The following MACROD2 variants were observed in gnomAD, a reference collection of about 807,000 sequenced individuals.
MACROD2 encodes mono-ADP ribosylhydrolase 2.
MACROD2 carries 36 observed loss-of-function variants against 70.4 expected under a neutral mutation model. That is an observed-to-expected ratio of 0.51 (90% CI 0.39 to 0.68). The LOEUF (loss-of-function observed/expected upper bound fraction) is 0.68. MACROD2 is among the 30% of genes least tolerant of loss of function. MACROD2 has a pLI of 0.00. For synonymous variants in MACROD2, 172 were observed against 178.8 expected, an observed-to-expected ratio of 0.96 and a Z score of 0.30; for missense variants, 496 against 538.4, an observed-to-expected ratio of 0.92 and a Z score of 0.78.
chr20:14,779,640 T>C lies in MACROD2; in HGVS notation c.418+94681T>C, dbSNP rs150792385. Among the ~76,000 whole-genome samples the C allele has an allele frequency of 7.2e-5, 11 of 152,244 alleles. 1 individual carries two copies. Among genetic ancestry groups the C allele is most frequent in the African/African-American group, 2.7e-4 (11 of 41,506 alleles). The stretch of plus-strand genomic sequence containing the variant: ...GTTATAGGTTTATATTGTTAAGCAG[T>C]ATGGTAAAAATAAAATTCTATTTAC... On this transcript the variant is annotated intron_variant, in intron 5 of 17. Transcript: ENST00000684519.
rs1011624279 is a variant in MACROD2, at chr20:16,044,616, G to T, written c.1277G>T (p.Ser426Ile). ...GACAAGGTAAATGACCCAACAGAGAGTCAACAAGAAGATCAACTAATAGGT... is the reference window on the plus strand; with the variant it reads ...GACAAGGTAAATGACCCAACAGAGATTCAACAAGAAGATCAACTAATAGGT... Reference protein sequence around the residue: ...QVDKVNDPTESQQEDQLIAGA... With the variant: ...QVDKVNDPTEIQQEDQLIAGA... Residue 426 changes from serine to isoleucine, a missense_variant, in exon 17 of 18, where the codon AGT (serine) becomes ATT (isoleucine). Ser to Ile is a moderately radical substitution (Grantham distance 142). Transcript: ENST00000684519. 9 of 1,612,398 alleles carry T rather than the reference G, an allele frequency of 5.6e-6. No homozygotes were observed. Among genetic ancestry groups the T allele is most frequent in the Non-Finnish European group, 7.6e-6 (9 of 1,179,274 alleles).
At chr20:15,812,477 G>A (rs763661) in intron 8 of MACROD2, among the ~76,000 whole-genome samples, 30,328 of 151,924 alleles carry the variant, frequency 0.2, 3,641 homozygotes, top group African/African-American at 0.33. Context: ...AAGAAGGCCC[G>A]GAAGGGAGCT....
At chr20:14,562,651 T>C (rs1362642361) in intron 4 of MACROD2, among the ~76,000 whole-genome samples, 1 of 151,848 alleles carries the variant, frequency 6.6e-6, no homozygotes, top group Non-Finnish European at 1.5e-5. Context: ...TGAATGTCCT[T>C]CTTATGGAAA....
chr20:14,459,536 C>T (rs1395453507), intron 3 of MACROD2, among the ~76,000 whole-genome samples: 1 of 151,870 alleles, frequency 6.6e-6, no homozygotes, highest in Admixed American at 6.6e-5. Flanking sequence ...AGGTAGGTAT[C>T]TACCTATGGA....
chr20:16,002,819 C>T (rs556897990), intron 15 of MACROD2, among the ~76,000 whole-genome samples: 1 of 152,150 alleles, frequency 6.6e-6, no homozygotes, highest in Non-Finnish European at 1.5e-5. Flanking sequence ...ATTACCTCTA[C>T]CGCTACTCTA....
intron 4 of MACROD2, among the ~76,000 whole-genome samples, chr20:14,664,082 T>G (rs2070710220): frequency 6.6e-6 from 1 of 152,116 alleles, no homozygotes; most frequent in African/African-American, 2.4e-5. Context: ...ACAACATATT[T>G]TTAATTTTGA....
At chr20:14,170,385 A>G (rs1459217603) in intron 3 of MACROD2, among the ~76,000 whole-genome samples, 1 of 152,130 alleles carries the variant, frequency 6.6e-6, no homozygotes, top group Non-Finnish European at 1.5e-5. Context: ...TACTATGTTG[A>G]ATATAGGTGA....
At chr20:14,456,657 A>G (rs955366356) in intron 3 of MACROD2, among the ~76,000 whole-genome samples, 5 of 150,344 alleles carry the variant, frequency 3.3e-5, no homozygotes, top group African/African-American at 4.9e-5. Flanking sequence ...AAAATATACT[A>G]TGCAATTCTA....
intron 5 of MACROD2, among the ~76,000 whole-genome samples, chr20:15,191,143 G>A (rs2076567931): frequency 6.6e-6 from 1 of 152,180 alleles, no homozygotes; most frequent in African/African-American, 2.4e-5. Context: ...AGACAGTGAA[G>A]CCTGGGGCTC....
chr20:15,960,677 A>G (rs2066047241), intron 12 of MACROD2, among the ~76,000 whole-genome samples: 1 of 152,170 alleles, frequency 6.6e-6, no homozygotes, highest in South Asian at 2.1e-4. Context: ...GAGTGCATTC[A>G]GAAACATCTC....
At chr20:14,058,882 T>G (rs2053661430) in intron 2 of MACROD2, among the ~76,000 whole-genome samples, 1 of 152,110 alleles carries the variant, frequency 6.6e-6, no homozygotes, top group Non-Finnish European at 1.5e-5. Context: ...GACCTCATGA[T>G]CCGCCCATCT....
chr20:15,527,935 G>A (rs2146540875), intron 8 of MACROD2, among the ~76,000 whole-genome samples: 1 of 152,130 alleles, frequency 6.6e-6, no homozygotes, highest in Admixed American at 6.5e-5. Context: ...CTTGTTTGTT[G>A]CCTAACAAGT....
At chr20:14,991,607 A>G (rs564918901) in intron 5 of MACROD2, among the ~76,000 whole-genome samples, 4 of 152,282 alleles carry the variant, frequency 2.6e-5, no homozygotes, top group Non-Finnish European at 5.9e-5. Context: ...CCAGCCTTCA[A>G]TTTGATTTAT....
chr20:15,938,654 AT>A (rs2065703789), intron 12 of MACROD2, among the ~76,000 whole-genome samples: 1 of 152,140 alleles, frequency 6.6e-6, no homozygotes, highest in African/African-American at 2.4e-5. Flanking sequence ...AGGCCAATTA[AT>A]AGACCTACAA....
At chr20:14,812,375 A>G (rs1022753661) in intron 5 of MACROD2, among the ~76,000 whole-genome samples, 3 of 152,016 alleles carry the variant, frequency 2.0e-5, no homozygotes, top group African/African-American at 4.8e-5. Flanking sequence ...AACAATGGTA[A>G]CATATGGGCA....
intron 4 of MACROD2, among the ~76,000 whole-genome samples, chr20:14,508,076 A>G (rs1157769880): frequency 6.6e-6 from 1 of 152,206 alleles, no homozygotes; most frequent in Non-Finnish European, 1.5e-5. Context: ...CACATGTGCC[A>G]GGAAATCTAC....
rs73612377 is a variant in MACROD2, at chr20:14,779,748, G to A, written c.418+94789G>A. Reference sequence around the variant, plus strand: ...TAACTTACTAATCTTTATATTCTCCGTATTCTTAATATCCTTCTTATCTAC... The same window carrying A: ...TAACTTACTAATCTTTATATTCTCCATATTCTTAATATCCTTCTTATCTAC... On this transcript the variant is annotated intron_variant, in intron 5 of 17. Coordinates refer to ENST00000684519, the MANE Select transcript of MACROD2 (RefSeq NM_001351661.2). 3.2e-4 allele frequency among the ~76,000 whole-genome samples: 49 copies of A among 152,028 alleles called. No individual in the cohort carries two copies. In the East Asian group the frequency reaches 5.0e-3, roughly 16 times the overall value.
intron 5 of MACROD2, among the ~76,000 whole-genome samples, chr20:15,210,019 A>G (rs922413842): frequency 6.6e-6 from 1 of 152,164 alleles, no homozygotes; most frequent in Admixed American, 6.5e-5. Flanking sequence ...TAACATAACC[A>G]CATCTGAGGG....
intron 8 of MACROD2, among the ~76,000 whole-genome samples, chr20:15,770,021 G>A (rs1600864658): frequency 6.7e-6 from 1 of 148,922 alleles, no homozygotes; most frequent in Non-Finnish European, 1.5e-5. Flanking sequence ...TTTTAGTTTT[G>A]CATCTGAAGG....
Sources: allele counts gnomAD v4.1 joint callset (sites outside exome capture counted in the v4.1 genomes callset), GRCh38; gene constraint gnomAD v4.1.1; transcripts MANE v1.5; gene names NCBI Gene and HGNC (gene_info 2026-07-23, HGNC 2026-07-21).